Variants in MAP3K6 observed in about 807,000 individuals in gnomAD.
MAP3K6 encodes the protein mitogen-activated protein kinase kinase kinase 6.
Under a neutral mutation model 147.1 loss-of-function variants are expected in MAP3K6, and 105 were observed. The ratio of observed to expected loss-of-function variants is 0.71; its 90% CI spans 0.61 to 0.84. The LOEUF (loss-of-function observed/expected upper bound fraction) is 0.84. Among genes scored for constraint, MAP3K6 ranks in the 40% least tolerant of loss-of-function variants. The pLI is 0.00. For synonymous variants in MAP3K6, 695 were observed against 732.4 expected, an observed-to-expected ratio of 0.95 and a Z score of 0.82; for missense variants, 1,569 against 1,715.0, an observed-to-expected ratio of 0.91 and a Z score of 1.50.
In MAP3K6 at chr1:27,360,219, C is replaced by T. The variant is rs1172398674; in HGVS notation, c.2182+22G>A. The T allele has an allele frequency of 6.2e-7, 1 of 1,612,856 alleles. No homozygotes were observed. Among genetic ancestry groups the T allele is most frequent in the Non-Finnish European group, 8.5e-7 (1 of 1,179,242 alleles). ...CATGCTTCACACCTCGGTTTCATTCCCATCCCACACAGGGCAGGTACCTCC... is the reference window on the plus strand; with the variant it reads ...CATGCTTCACACCTCGGTTTCATTCTCATCCCACACAGGGCAGGTACCTCC... On this transcript the variant is annotated intron_variant, in intron 16 of 28. Coordinates refer to ENST00000357582, the MANE Select transcript of MAP3K6 (RefSeq NM_004672.5). The surrounding 1 kb of genome is among the most constrained non-coding windows in gnomAD (Gnocchi z 4.5).
At position 27,355,684 on chromosome 1, in the gene MAP3K6, A is replaced by G. The variant is rs546863373; in HGVS notation, c.3773T>C (p.Ile1258Thr). 1.2e-6 allele frequency: 2 copies of G among 1,613,634 alleles called. No homozygotes were observed. The highest frequency in any genetic ancestry group is 2.2e-5 in the South Asian group (2 of 91,036). Reference protein sequence around the residue: ...LLTYATRDDLIYTRIRGGMVC... With the variant: ...LLTYATRDDLTYTRIRGGMVC... ...CAGGATGTACCTGATGCGGGTGTAG[A>G]TGAGGTCATCTCGAGTGGCATAGGT... The change falls in exon 28 of 29, where the codon ATC becomes ACC. Residue 1258 changes from isoleucine (I) to threonine (T), a missense_variant. Ile to Thr is a moderately conservative substitution (Grantham distance 89). Coordinates refer to ENST00000357582, the MANE Select transcript of MAP3K6 (RefSeq NM_004672.5).
In MAP3K6 at chr1:27,359,723, G is replaced by T; in HGVS notation, c.2319+135C>A. ...CTGAACCTTTCCCCTCCTTCTCTAAGGAGCCTCCCTGATGAATTCCCTACC... is the reference window on the plus strand; with the variant it reads ...CTGAACCTTTCCCCTCCTTCTCTAATGAGCCTCCCTGATGAATTCCCTACC... On this transcript the variant is annotated intron_variant, in intron 17 of 28. Transcript: ENST00000357582. The surrounding 1 kb of genome is among the most constrained non-coding windows in gnomAD (Gnocchi z 4.4). The T allele has an allele frequency of 2.8e-6, 4 of 1,426,042 alleles. No individual in the cohort carries two copies. Among genetic ancestry groups the T allele is most frequent in the Non-Finnish European group, 3.8e-6 (4 of 1,048,300 alleles). 88.3% of individuals were successfully genotyped at this position (1,426,042 alleles called of 1,614,324 possible). A position where few individuals can be genotyped will look rare whatever the true frequency, so the allele number is the denominator to read the frequency against.
At position 27,356,655 on chromosome 1, in the gene MAP3K6, CACCGGA is replaced by C; in HGVS notation, c.3453_3458del (p.Pro1152_Val1153del). On this transcript the variant is annotated inframe_deletion, in exon 25 of 29. Coordinates refer to ENST00000357582, the MANE Select transcript of MAP3K6 (RefSeq NM_004672.5). The stretch of plus-strand genomic sequence containing the variant: ...GAGGAGCGGGGCCCTGCTCGGGCTC[CACCGGA>C]AGCGGGCTCTGCTGGCCTGGGCTCT... 1 of 1,612,146 alleles carries C rather than the reference CACCGGA, an allele frequency of 6.2e-7. No homozygotes were observed. The highest frequency in any genetic ancestry group is 8.5e-7 in the Non-Finnish European group (1 of 1,178,980).
intron 26 of MAP3K6, 91 bp from the exon 27 acceptor site, chr1:27,356,190 A>T: frequency 1.5e-6 from 2 of 1,294,110 alleles, no homozygotes; most frequent in Non-Finnish European, 2.2e-6. Flanking sequence ...GCCAAGGCCC[A>T]CTCAGGTGAT....
In MAP3K6 at chr1:27,366,207, C is replaced by A; in HGVS notation, c.340+51G>T. On this transcript the variant is annotated intron_variant, in intron 1 of 28. Transcript: ENST00000357582. The surrounding 1 kb of genome is among the most constrained non-coding windows in gnomAD (Gnocchi z 5.5). ...GCCTTCGAGCCCGGCTTGGTCCCCTCCCAGGACCCTGAGTCCCGCCCGGAT... is the reference window on the plus strand; with the variant it reads ...GCCTTCGAGCCCGGCTTGGTCCCCTACCAGGACCCTGAGTCCCGCCCGGAT... The A allele has an allele frequency of 7.8e-7, 1 of 1,274,046 alleles. No individual in the cohort carries two copies. Among genetic ancestry groups the A allele is most frequent in the Non-Finnish European group, 9.9e-7 (1 of 1,010,322 alleles). The allele number at this position is 1,274,046 out of a possible 1,614,324, so 78.9% of individuals were successfully genotyped here.
Position 27,359,680 on chromosome 1 carries a change from A to G in MAP3K6, c.2320-158T>C. 2 of 868,864 alleles carry G rather than the reference A, an allele frequency of 2.3e-6. No individual in the cohort carries two copies. The highest frequency in any genetic ancestry group is 2.8e-6 in the Non-Finnish European group (2 of 723,948). 53.8% of individuals were successfully genotyped at this position (868,864 alleles called of 1,614,324 possible). A position where few individuals can be genotyped will look rare whatever the true frequency, so the allele number is the denominator to read the frequency against. On this transcript the variant is annotated intron_variant, in intron 17 of 28. Coordinates refer to ENST00000357582, the MANE Select transcript of MAP3K6 (RefSeq NM_004672.5). This position sits in a 1 kb window ranked among gnomAD's most constrained non-coding sequence, Gnocchi z 4.4. ...TTATATGCCCCTCTGGGAGCTGACA[A>G]TTGGTTTGGCTTCAGAGCTGAACCT... is the stretch of plus-strand genomic sequence containing the variant.
Position 27,361,873 on chromosome 1 carries a change from T to C in MAP3K6, c.1416-6A>G. The C allele has an allele frequency of 6.5e-7, 1 of 1,536,134 alleles. No homozygotes were observed. Among genetic ancestry groups the C allele is most frequent in the Non-Finnish European group, 8.8e-7 (1 of 1,138,622 alleles). On this transcript the variant is annotated splice_region_variant and splice_polypyrimidine_tract_variant and intron_variant, in intron 9 of 28. Coordinates refer to ENST00000357582, the MANE Select transcript of MAP3K6 (RefSeq NM_004672.5). ...CCATCACGGACACCAGGTACCTGCATGCAAAGCCACATCCTCAGTTCAGCC... is the reference window on the plus strand; with the variant it reads ...CCATCACGGACACCAGGTACCTGCACGCAAAGCCACATCCTCAGTTCAGCC...
intron 1 of MAP3K6, 128 bp from the exon 2 acceptor site, chr1:27,365,040 A>C: frequency 9.9e-7 from 1 of 1,009,338 alleles, no homozygotes; most frequent in African/African-American, 1.6e-5. Context: ...TTTGGGCTTC[A>C]GTCGGCCCTT....
In MAP3K6 at chr1:27,366,263, T is replaced by C; in HGVS notation, c.335A>G (p.Asn112Ser). 7.5e-7 allele frequency: 1 copy of C among 1,332,130 alleles called. No individual in the cohort carries two copies. 82.5% of individuals were successfully genotyped at this position (1,332,130 alleles called of 1,614,324 possible). ...GDTAALDAFY[N>S]ADVVVLEVSS... is the part of the protein sequence containing the mutation. ...CCCGCCCCCAGCGCTCTCACCCGCGTTGTAGAAGGCATCCAGAGCCGCGGT... is the reference window on the plus strand; with the variant it reads ...CCCGCCCCCAGCGCTCTCACCCGCGCTGTAGAAGGCATCCAGAGCCGCGGT... Residue 112 changes from asparagine to serine, a missense_variant, in exon 1 of 29, where the codon AAC (asparagine) becomes AGC (serine). By Grantham distance (46) the Asn-to-Ser change is conservative. Coordinates refer to ENST00000357582, the MANE Select transcript of MAP3K6 (RefSeq NM_004672.5). This position sits in a 1 kb window ranked among gnomAD's most constrained non-coding sequence, Gnocchi z 5.5.
chr1:27,364,233 G>C lies in MAP3K6; in HGVS notation c.666C>G (p.Arg222=), dbSNP rs761904231. The C allele has an allele frequency of 2.5e-6, 4 of 1,612,652 alleles. No individual in the cohort carries two copies. The highest frequency in any genetic ancestry group is 2.5e-6 in the Non-Finnish European group (3 of 1,179,910). ...LLTPLVGRLA[R]LLEATPTDSC... is the part of the protein sequence containing the mutation. ...AGTCTGTGGGTGTGGCCTCCAGCAG[G>C]CGGGCAAGCCGGCCCACCAGGGGAG... Residue 222 remains arginine (R), a synonymous_variant, in exon 4 of 29, where the codon CGC becomes CGG. Transcript: ENST00000357582. This position sits in a 1 kb window ranked among gnomAD's most constrained non-coding sequence, Gnocchi z 4.4.
At chr1:27,356,568 G>C (rs758272065) in intron 25 of MAP3K6, 22 bp downstream of exon 25, 87 of 1,611,990 alleles carry the variant, frequency 5.4e-5, no homozygotes, top group South Asian at 1.1e-5. Context: ...CAGAGGCTAT[G>C]AGCGATTCCA....
Position 27,357,723 on chromosome 1 carries a change from C to G in MAP3K6, c.3069G>C (p.Gln1023His). 1 of 1,611,438 alleles carries G rather than the reference C, an allele frequency of 6.2e-7. No homozygotes were observed. The highest frequency in any genetic ancestry group is 1.7e-4 in the Middle Eastern group (1 of 6,060). ...GTGGGCCGCCCACCTGCTCTTGCTT[C>G]TGCTCCTGGTGCAGATTCTCCGCCA... ...PALAENLHQE[Q>H]KQEQGARLGR... The change falls in exon 22 of 29, where the codon CAG becomes CAC. Residue 1023 changes from glutamine (Q) to histidine (H), a missense_variant. Coordinates refer to ENST00000357582, the MANE Select transcript of MAP3K6 (RefSeq NM_004672.5).
In MAP3K6 at chr1:27,360,618, C is replaced by G; in HGVS notation, c.2054+87G>C. ...GGTCCTACGAGCCCGCCCACTAGGC[C>G]CCGCCCACAGGAGCCGCTCCGCTCG... On this transcript the variant is annotated intron_variant, in intron 15 of 28. Coordinates refer to ENST00000357582, the MANE Select transcript of MAP3K6 (RefSeq NM_004672.5). This position sits in a 1 kb window ranked among gnomAD's most constrained non-coding sequence, Gnocchi z 4.5. 6.7e-7 allele frequency: 1 copy of G among 1,503,186 alleles called. No individual in the cohort carries two copies. Among genetic ancestry groups the G allele is most frequent in the Non-Finnish European group, 8.9e-7 (1 of 1,128,612 alleles). 93.1% of individuals were successfully genotyped at this position (1,503,186 alleles called of 1,614,324 possible).
At chr1:27,362,377 G>A (rs190547518) in intron 8 of MAP3K6, 127 bp from the exon 9 acceptor site, 8 of 1,017,476 alleles carry the variant, frequency 7.9e-6, no homozygotes, top group East Asian at 2.6e-5. Context: ...GCAAGATCTC[G>A]GGTGGGAACA....
At position 27,364,571 on chromosome 1, in the gene MAP3K6, G is replaced by A. The variant is rs1196855142; in HGVS notation, c.504+90C>T. On this transcript the variant is annotated intron_variant, in intron 3 of 28. Coordinates refer to ENST00000357582, the MANE Select transcript of MAP3K6 (RefSeq NM_004672.5). This position sits in a 1 kb window ranked among gnomAD's most constrained non-coding sequence, Gnocchi z 4.4. ...ACTTGGGATGTCAGTGGGGGGTTAG[G>A]TGACTGAGGAGGCCAGGGGGATTAG... The A allele has an allele frequency of 6.3e-7, 1 of 1,592,666 alleles. No individual in the cohort carries two copies. The highest frequency in any genetic ancestry group is 1.3e-5 in the African/African-American group (1 of 74,572).
chr1:27,362,937 C>T lies in MAP3K6; in HGVS notation c.1056G>A (p.Leu352=), dbSNP rs770155178. The change falls in exon 7 of 29, where the codon CTG becomes CTA. Residue 352 remains leucine, a synonymous_variant. Transcript: ENST00000357582. ...TGTAGATACGGCCACACATGCAGTACAGATCGGGCGCCACAGAGCCCTCAA... is the reference window on the plus strand; with the variant it reads ...TGTAGATACGGCCACACATGCAGTATAGATCGGGCGCCACAGAGCCCTCAA... ...VQLEGSVAPD[L]YCMCGRIYKD... 5 of 1,614,142 alleles carry T rather than the reference C, an allele frequency of 3.1e-6. No individual in the cohort carries two copies. The highest frequency in any genetic ancestry group is 2.2e-5 in the South Asian group (2 of 91,086).
Position 27,364,300 on chromosome 1 carries a change from T to C in MAP3K6, c.599A>G (p.Asp200Gly). Residue 200 changes from aspartate (D) to glycine (G), a missense_variant, in exon 4 of 29, where the codon GAT becomes GGT. Asp to Gly is a moderately conservative substitution (Grantham distance 94, BLOSUM62 -1). Transcript: ENST00000357582. The surrounding 1 kb of genome is among the most constrained non-coding windows in gnomAD (Gnocchi z 4.4). ...CCCCACTCCAGCCTGTACCAGCCCA[T>C]CAGCCAGGCCCCGCAGAAGGCCTGC... ...GDAGLLRGLA[D>G]GLVQAGVGTE... 6.2e-7 allele frequency: 1 copy of C among 1,613,896 alleles called. No individual in the cohort carries two copies. The highest frequency in any genetic ancestry group is 1.1e-5 in the South Asian group (1 of 91,084).
At chr1:27,361,421 G>T in intron 11 of MAP3K6, 26 bp from the exon 12 acceptor site, 1 of 1,613,082 alleles carries the variant, frequency 6.2e-7, no homozygotes, top group East Asian at 2.2e-5. Context: ...GGGTGTGATG[G>T]GGAGTGCTGG....
Position 27,363,014 on chromosome 1 carries a change from T to C in MAP3K6, c.979A>G (p.Arg327Gly). Residue 327 changes from arginine (R) to glycine (G), a missense_variant, in exon 7 of 29, where the codon AGG (arginine) becomes GGG (glycine). Coordinates refer to ENST00000357582, the MANE Select transcript of MAP3K6 (RefSeq NM_004672.5). ...AGGGCCTTCGCCCGGTCCCCAGGCC[T>C]GTTCCTCCTAGGGAAAAGATGGGCT... ...HYTFALNRRN[R>G]PGDRAKALSV... is the part of the protein sequence containing the mutation. 6.2e-7 allele frequency: 1 copy of C among 1,613,092 alleles called. No individual in the cohort carries two copies. The highest frequency in any genetic ancestry group is 1.7e-4 in the Middle Eastern group (1 of 6,052).
Sources: gnomAD v4.1 joint callset for allele counts on GRCh38, gnomAD v4.1.1 for gene constraint, Gnocchi (gnomAD v3.1) non-coding constraint, MANE v1.5 for transcripts, NCBI Gene and HGNC (gene_info 2026-07-23, HGNC 2026-07-21) for gene names.